Variants in ADCY9 observed in about 807,000 individuals in gnomAD.
ADCY9 encodes the protein adenylate cyclase 9.
ADCY9 carries 50 observed loss-of-function variants against 101.5 expected under a neutral mutation model. The ratio of observed to expected loss-of-function variants is 0.49; its 90% CI spans 0.39 to 0.62. The LOEUF (loss-of-function observed/expected upper bound fraction) is 0.62, where lower values mean the gene tolerates loss of function less well. ADCY9 is among the 20% of genes least tolerant of loss of function. The probability of loss-of-function intolerance (pLI) is 0.00; values close to 1 mark genes in which losing one functional copy is unlikely to be tolerated. For synonymous variants in ADCY9, 905 were observed against 769.3 expected (o/e 1.18, Z -2.92); for missense variants, 1,662 against 1,800.4 (o/e 0.92, Z 1.39).
At chr16:4,070,209 C>T (rs1413814037) in intron 2 of ADCY9, among the ~76,000 whole-genome samples, 1 of 151,992 alleles carries the variant, frequency 6.6e-6, no homozygotes, top group Non-Finnish European at 1.5e-5. Flanking sequence ...TTCCATATCA[C>T]TCACTGTTTG....
At chr16:4,017,847 T>C (rs906673806) in intron 2 of ADCY9, among the ~76,000 whole-genome samples, 2 of 152,222 alleles carry the variant, frequency 1.3e-5, no homozygotes, top group Non-Finnish European at 2.9e-5. Context: ...GCTCTCACTA[T>C]TGTAGTCCAA....
intron 2 of ADCY9, among the ~76,000 whole-genome samples, chr16:4,030,104 C>T (rs371057883): frequency 3.3e-5 from 5 of 152,202 alleles, no homozygotes; most frequent in South Asian, 2.1e-4. Flanking sequence ...GTCGGTATTA[C>T]CGATGGAAGT....
rs769823999 is a variant in ADCY9, at chr16:3,966,939, C to T, written c.2898G>A (p.Ser966=). ...FSSERNPCNS[S]VPRDLRRPAS... is the part of the protein sequence containing the mutation. The stretch of plus-strand genomic sequence containing the variant: ...CGGGCCGCCGGAGGTCACGCGGCAC[C>T]GAACTATTGCACGGGTTCCTCTCGG... The change falls in exon 11 of 11, where the codon TCG becomes TCA. Residue 966 remains serine (S), a synonymous_variant. Transcript: ENST00000294016. The T allele has an allele frequency of 3.7e-6, 6 of 1,613,250 alleles. No individual in the cohort carries two copies. Among genetic ancestry groups the T allele is most frequent in the Non-Finnish European group, 5.1e-6 (6 of 1,179,828 alleles).
intron 2 of ADCY9, among the ~76,000 whole-genome samples, chr16:4,069,449 T>C (rs896481142): frequency 6.6e-6 from 1 of 151,988 alleles, no homozygotes; most frequent in African/African-American, 2.4e-5. Flanking sequence ...AGCGAAGGCA[T>C]CTCAGACACT....
At chr16:4,102,994 T>C (rs1413595023) in intron 2 of ADCY9, among the ~76,000 whole-genome samples, 1 of 152,218 alleles carries the variant, frequency 6.6e-6, no homozygotes, top group Non-Finnish European at 1.5e-5. Context: ...AGCGCTGGTA[T>C]TACAGGCACG....
chr16:3,998,708 CAAAA>C lies in ADCY9; in HGVS notation c.1885-5202_1885-5199del, dbSNP rs1165056665. Among the ~76,000 whole-genome samples the C allele has an allele frequency of 1.7e-3, 6 of 3,602 alleles. No homozygotes were observed. The Admixed American group carries it at 0.022, about 13-fold the overall frequency. 2.4% of individuals were successfully genotyped at this position (3,602 alleles called of 152,430 possible). The stretch of plus-strand genomic sequence containing the variant: ...CGGGCAAAAGAGCAAAACTCTGTCT[CAAAA>C]AAAAAAAAAAAAAAAAAAAAAAAGA... On this transcript the variant is annotated intron_variant, in intron 3 of 10. Transcript: ENST00000294016.
Position 3,965,994 on chromosome 16 carries a change from C to A in ADCY9, c.3843G>T (p.Leu1281=), listed in dbSNP as rs756879944. The change falls in exon 11 of 11, where the codon CTG becomes CTT. Residue 1281 remains leucine, a synonymous_variant. Coordinates refer to ENST00000294016, the MANE Select transcript of ADCY9 (RefSeq NM_001116.4). ...GRSPTDEIAN[L]VPSVQYVDKT... ...TGTCCACATACTGGACAGAAGGCAC[C>A]AGGTTGGCAATCTCGTCTGTGGGAG... 2 of 1,614,210 alleles carry A rather than the reference C, an allele frequency of 1.2e-6. No homozygotes were observed. The highest frequency in any genetic ancestry group is 2.2e-5 in the South Asian group (2 of 91,086).
rs55907416 is a variant in ADCY9, at chr16:3,992,614, C to T, written c.1990-251G>A. ...ACGCTGGGTGTTCAGGCTGCCAGGA[C>T]ATTGAGACATGGGAAGAGTCGGTGC... On this transcript the variant is annotated intron_variant, in intron 4 of 10. Transcript: ENST00000294016. This position sits in a 1 kb window ranked among gnomAD's most constrained non-coding sequence, Gnocchi z 4.2. Among the ~76,000 whole-genome samples the T allele has an allele frequency of 3.4e-3, 520 of 152,184 alleles. 2 individuals are homozygous for T. The highest frequency in any genetic ancestry group is 5.6e-3 in the Non-Finnish European group (381 of 68,020).
At chr16:4,098,772 A>G (rs2057024597) in intron 2 of ADCY9, among the ~76,000 whole-genome samples, 2 of 152,200 alleles carry the variant, frequency 1.3e-5, no homozygotes, top group South Asian at 4.1e-4. Context: ...CACTGTTGAG[A>G]GCAAGGCTCC....
Position 4,013,880 on chromosome 16 carries a change from C to T in ADCY9, c.1694-6322G>A, listed in dbSNP as rs372615496. ...TTTCATATGTTAACATTAAAATGCT[C>T]TCCGGAGGGTTGTAAGTCCTTCCTA... On this transcript the variant is annotated intron_variant, in intron 2 of 10. Transcript: ENST00000294016. Among the ~76,000 whole-genome samples the T allele has an allele frequency of 3.3e-5, 5 of 152,318 alleles. No homozygotes were observed. In the East Asian group the frequency reaches 7.7e-4, roughly 23 times the overall value.
chr16:4,048,572 G>A (rs1010639449), intron 2 of ADCY9, among the ~76,000 whole-genome samples: 1 of 152,200 alleles, frequency 6.6e-6, no homozygotes, highest in African/African-American at 2.4e-5. Flanking sequence ...CGGGTGAGAT[G>A]AAACGGACGT....
intron 2 of ADCY9, among the ~76,000 whole-genome samples, chr16:4,058,363 G>A (rs2056754117): frequency 6.6e-6 from 1 of 151,572 alleles, no homozygotes; most frequent in Non-Finnish European, 1.5e-5. Context: ...TACTCAGGAG[G>A]CTGAGGCAGG....
chr16:3,965,559 A>T lies in ADCY9; in HGVS notation c.*216T>A. ...CCACCACGTGCTGAACGGATGACCC[A>T]GAGGCAGCGGGGTTTCCAGGGAAGG... On this transcript the variant is annotated 3_prime_UTR_variant, in exon 11 of 11. Transcript: ENST00000294016. The T allele has an allele frequency of 3.3e-6, 2 of 597,216 alleles. No individual in the cohort carries two copies. The highest frequency in any genetic ancestry group is 4.2e-5 in the South Asian group (2 of 47,708). The allele number at this position is 597,216 out of a possible 1,614,324, so 37.0% of individuals were successfully genotyped here.
At chr16:3,974,616 G>C in intron 10 of ADCY9, 53 bp downstream of exon 10, 1 of 1,468,470 alleles carries the variant, frequency 6.8e-7, no homozygotes, top group South Asian at 1.1e-5. Context: ...AATGGGCAGG[G>C]TAATACAGTC....
At chr16:4,022,457 C>G (rs1597171494) in intron 2 of ADCY9, among the ~76,000 whole-genome samples, 2 of 143,624 alleles carry the variant, frequency 1.4e-5, no homozygotes, top group South Asian at 2.2e-4. Context: ...CACCACTGCA[C>G]TCCAGCCTGG....
chr16:3,983,906 C>G (rs1469652120), intron 6 of ADCY9: 1 of 156,460 alleles, frequency 6.4e-6, no homozygotes, highest in East Asian at 1.9e-4. Context: ...GCCTGGGCAA[C>G]ATAGCGAGAC....
At chr16:4,059,385 A>G (rs983834936) in intron 2 of ADCY9, among the ~76,000 whole-genome samples, 2 of 151,422 alleles carry the variant, frequency 1.3e-5, no homozygotes, top group African/African-American at 2.4e-5. Context: ...CATCGAAAAA[A>G]AAAAAAAAAG....
At chr16:3,997,009 C>A (rs941284461) in intron 3 of ADCY9, among the ~76,000 whole-genome samples, 1 of 152,072 alleles carries the variant, frequency 6.6e-6, no homozygotes, top group Non-Finnish European at 1.5e-5. Context: ...GGATTACAGG[C>A]GCCCACCACC....
At position 3,965,776 on chromosome 16, in the gene ADCY9, C is replaced by T. The variant is rs961790709; in HGVS notation, c.4061G>A (p.Ter1354=). 1 of 1,609,476 alleles carries T rather than the reference C, an allele frequency of 6.2e-7. No individual in the cohort carries two copies. The highest frequency in any genetic ancestry group is 8.5e-7 in the Non-Finnish European group (1 of 1,177,186). Residue 1354 remains the stop codon, a stop_retained_variant, in exon 11 of 11, where the codon TGA becomes TAA. Transcript: ENST00000294016. ...CTCGGGCAGCGGGTGGGCGCCGCCT[C>T]ACACACTCTTTGAAACGTTGAGCTT... The part of the protein sequence containing the change: ...LTKLNVSKSV[*]
Sources: allele counts gnomAD v4.1 joint callset (sites outside exome capture counted in the v4.1 genomes callset), GRCh38; gene constraint gnomAD v4.1.1; non-coding constraint Gnocchi (gnomAD v3.1); transcripts MANE v1.5; gene names NCBI Gene and HGNC (gene_info 2026-07-23, HGNC 2026-07-21).